CDC42BPA: variants seen among roughly 807,000 people sequenced by gnomAD.
The protein encoded by CDC42BPA is serine/threonine-protein kinase MRCK alpha.
In CDC42BPA, 80 loss-of-function variants were observed where a neutral mutation model predicts 223.5. That is an observed-to-expected ratio of 0.36 (90% CI 0.30 to 0.43). The LOEUF is 0.43. CDC42BPA is among the 20% of genes least tolerant of loss of function. The pLI, the probability that CDC42BPA is intolerant of heterozygous loss-of-function variation, is 1.00. For synonymous variants in CDC42BPA, 694 were observed against 718.6 expected, an observed-to-expected ratio of 0.97 and a Z score of 0.55; for missense variants, 1,743 against 2,099.9, an observed-to-expected ratio of 0.83 and a Z score of 3.32.
chr1:227,144,756 T>C (rs777352108), intron 8 of CDC42BPA, among the ~76,000 whole-genome samples: 2 of 152,128 alleles, frequency 1.3e-5, no homozygotes, highest in Non-Finnish European at 2.9e-5. Flanking sequence ...GTTGAATTAT[T>C]TGGCTATTGG....
intron 3 of CDC42BPA, among the ~76,000 whole-genome samples, chr1:227,201,054 A>G (rs1671664457): frequency 6.6e-6 from 1 of 152,148 alleles, no homozygotes; most frequent in South Asian, 2.1e-4. Context: ...TGATTTTTTA[A>G]AGTTGTAGTT....
chr1:227,007,175 G>C (rs561406687), intron 34 of CDC42BPA, among the ~76,000 whole-genome samples: 1 of 152,134 alleles, frequency 6.6e-6, no homozygotes, highest in African/African-American at 2.4e-5. Context: ...TTAATTCCAA[G>C]TTAAACTATA....
At chr1:227,045,661 G>T (rs1672297489) in intron 23 of CDC42BPA, among the ~76,000 whole-genome samples, 1 of 151,902 alleles carries the variant, frequency 6.6e-6, no homozygotes, top group Non-Finnish European at 1.5e-5. Context: ...TTTTCTAAGA[G>T]AATTCTCAAA....
chr1:227,236,101 A>T (rs1009441474), intron 2 of CDC42BPA, among the ~76,000 whole-genome samples: 1 of 152,140 alleles, frequency 6.6e-6, no homozygotes, highest in African/African-American at 2.4e-5. Flanking sequence ...ACCTCAGGTG[A>T]TTCTGTGAAT....
chr1:227,163,114 G>GTTTCCAAACATATA (rs1558650407), intron 5 of CDC42BPA, among the ~76,000 whole-genome samples: 2 of 29,810 alleles, frequency 6.7e-5, no homozygotes, highest in African/African-American at 2.4e-4. Context: ...ACATATATGT[G>GTTTCCAAACATATA]TGTATGTTTC....
In CDC42BPA at chr1:227,317,696, C is replaced by G. The variant is rs1053999489; in HGVS notation, c.-514G>C. The G allele has an allele frequency of 2.5e-6, 1 of 398,354 alleles. No individual in the cohort carries two copies. Among genetic ancestry groups the G allele is most frequent in the Non-Finnish European group, 4.4e-6 (1 of 226,054 alleles). 24.7% of individuals were successfully genotyped at this position (398,354 alleles called of 1,614,324 possible). A position where few individuals can be genotyped will look rare whatever the true frequency, so the allele number is the denominator to read the frequency against. On this transcript the variant is annotated 5_prime_UTR_variant, in exon 1 of 37. Coordinates refer to ENST00000366766, the MANE Select transcript of CDC42BPA (RefSeq NM_001394014.1). ...AATGCATAGAAGGGGGAGGGAAAAC[C>G]AAAAATGTTGCTGCAAATCCTCCCA... is the stretch of plus-strand genomic sequence containing the variant.
chr1:227,114,587 A>G (rs1397832149), intron 12 of CDC42BPA, among the ~76,000 whole-genome samples: 1 of 152,192 alleles, frequency 6.6e-6, no homozygotes, highest in Non-Finnish European at 1.5e-5. Flanking sequence ...TTGTACAGTA[A>G]ACAAAAGATA....
intron 2 of CDC42BPA, among the ~76,000 whole-genome samples, chr1:227,246,405 GC>G (rs151263651): frequency 0.013 from 1,994 of 152,236 alleles, 41 homozygotes; most frequent in African/African-American, 0.045. Flanking sequence ...GAAGGGAAGG[GC>G]CTTGGGCAAG....
intron 11 of CDC42BPA, among the ~76,000 whole-genome samples, chr1:227,122,374 G>A (rs1688802773): frequency 1.3e-5 from 2 of 152,018 alleles, no homozygotes; most frequent in Admixed American, 1.3e-4. Flanking sequence ...CAACAGCTCT[G>A]AGAAACAAAA....
chr1:227,265,048 C>T (rs1189222203), intron 1 of CDC42BPA: 24 of 783,812 alleles, frequency 3.1e-5, no homozygotes, highest in South Asian at 1.3e-4. Context: ...GCTTCATGGA[C>T]GCAGCAGGAA....
chr1:227,180,169 G>A (rs1360000689), intron 5 of CDC42BPA, among the ~76,000 whole-genome samples: 1 of 152,178 alleles, frequency 6.6e-6, no homozygotes, highest in African/African-American at 2.4e-5. Context: ...TCATGCCACT[G>A]CACTCCAGCC....
rs549151286 is a variant in CDC42BPA, at chr1:227,132,763, G to A, written c.1391-3532C>T. Among the ~76,000 whole-genome samples the A allele has an allele frequency of 6.6e-5, 10 of 150,976 alleles. No homozygotes were observed. In the South Asian group the frequency reaches 1.7e-3, roughly 25 times the overall value. On this transcript the variant is annotated intron_variant, in intron 10 of 36. Transcript: ENST00000366766. ...CCGCCCGCCCATCGTCTGGGATGTGGAGAGCGCCTCTGCCCCGCCGCCCCG... is the reference window on the plus strand; with the variant it reads ...CCGCCCGCCCATCGTCTGGGATGTGAAGAGCGCCTCTGCCCCGCCGCCCCG...
intron 2 of CDC42BPA, among the ~76,000 whole-genome samples, chr1:227,227,756 C>A (rs994583870): frequency 2.0e-5 from 3 of 152,022 alleles, no homozygotes; most frequent in Non-Finnish European, 4.4e-5. Context: ...AGGCGGAAAT[C>A]TAACACGGGA....
intron 2 of CDC42BPA, among the ~76,000 whole-genome samples, chr1:227,214,066 T>C (rs1006729321): frequency 2.0e-5 from 3 of 152,054 alleles, no homozygotes; most frequent in Non-Finnish European, 4.4e-5. Context: ...TGAACGAGGA[T>C]GTTTCCAGTT....
At chr1:227,011,677 C>G (rs771079954) in intron 34 of CDC42BPA, among the ~76,000 whole-genome samples, 1 of 152,130 alleles carries the variant, frequency 6.6e-6, no homozygotes, top group Non-Finnish European at 1.5e-5. Flanking sequence ...TAAAAATCTT[C>G]CCTTCAATGT....
chr1:227,128,384 A>G (rs1405700734), intron 11 of CDC42BPA, among the ~76,000 whole-genome samples: 3 of 152,098 alleles, frequency 2.0e-5, no homozygotes, highest in Admixed American at 6.5e-5. Context: ...TCCTTATTCT[A>G]TTCTTATTTT....
At chr1:227,177,624 G>T (rs1329809072) in intron 5 of CDC42BPA, among the ~76,000 whole-genome samples, 1 of 152,106 alleles carries the variant, frequency 6.6e-6, no homozygotes, top group Non-Finnish European at 1.5e-5. Flanking sequence ...CTTCCGTGGG[G>T]TGGAGGGCAG....
intron 7 of CDC42BPA, 146 bp downstream of exon 7, chr1:227,147,212 GA>G: frequency 3.6e-6 from 2 of 551,414 alleles, no homozygotes; most frequent in Non-Finnish European, 6.2e-6. Context: ...ATAATTTATG[GA>G]TTTTGACTAT....
intron 17 of CDC42BPA, 69 bp downstream of exon 17, chr1:227,080,824 C>T: frequency 6.4e-7 from 1 of 1,564,994 alleles, no homozygotes; most frequent in Non-Finnish European, 8.8e-7. Flanking sequence ...TAGTAGCCAC[C>T]TGGAATTCAT....
Sources: allele counts gnomAD v4.1 joint callset (sites outside exome capture counted in the v4.1 genomes callset), GRCh38; gene constraint gnomAD v4.1.1; transcripts MANE v1.5; gene names NCBI Gene and HGNC (gene_info 2026-07-23, HGNC 2026-07-21).